The following SUPT3H variants were observed in gnomAD, a reference collection of about 807,000 sequenced individuals.
SUPT3H encodes the protein transcription initiation protein SPT3 homolog.
SUPT3H carries 44 observed loss-of-function variants against 44.3 expected under a neutral mutation model. That is an observed-to-expected ratio of 0.99 (90% CI 0.78 to 1.28). The LOEUF (loss-of-function observed/expected upper bound fraction) is 1.28. Among genes scored for constraint, SUPT3H ranks in the 50% most tolerant of loss-of-function variants. The probability of loss-of-function intolerance (pLI) is 0.00; values close to 1 mark genes in which losing one functional copy is unlikely to be tolerated. For synonymous variants in SUPT3H, 124 were observed against 125.6 expected (o/e 0.99, Z 0.09); for missense variants, 380 against 387.1 (o/e 0.98, Z 0.15).
chr6:44,940,024 A>ATT (rs369836316), intron 9 of SUPT3H, among the ~76,000 whole-genome samples: 4 of 148,302 alleles, frequency 2.7e-5, no homozygotes, highest in African/African-American at 9.9e-5. Context: ...GATCTTTTGT[A>ATT]TTTTTTTTTG....
chr6:44,887,342 C>T (rs766730042), intron 10 of SUPT3H, among the ~76,000 whole-genome samples: 75 of 152,186 alleles, frequency 4.9e-4, no homozygotes, highest in East Asian at 7.7e-4. Flanking sequence ...ACCACACCTA[C>T]TCCAAAATTG....
intron 2 of SUPT3H, among the ~76,000 whole-genome samples, chr6:45,111,530 TC>T (rs1156242699): frequency 2.0e-5 from 1 of 48,980 alleles, no homozygotes. Context: ...CCCCCCTCCC[TC>T]CCCCCCGCAA....
chr6:44,944,713 G>GATC (rs1773019564), intron 9 of SUPT3H, among the ~76,000 whole-genome samples: 2 of 125,116 alleles, frequency 1.6e-5, no homozygotes, highest in Admixed American at 2.1e-4. Context: ...AGTGAGCTAT[G>GATC]ATCATGCTAC....
intron 2 of SUPT3H, among the ~76,000 whole-genome samples, chr6:45,213,110 A>G (rs1002776641): frequency 6.6e-6 from 1 of 152,210 alleles, no homozygotes; most frequent in African/African-American, 2.4e-5. Context: ...TTGCCACACA[A>G]TTCAATTAGC....
chr6:45,255,592 T>G (rs953019605), intron 2 of SUPT3H, among the ~76,000 whole-genome samples: 6 of 151,924 alleles, frequency 3.9e-5, no homozygotes, highest in Non-Finnish European at 5.9e-5. Context: ...CAGCAATGTT[T>G]TTTTAATTTT....
chr6:45,184,337 T>G (rs554863975), intron 2 of SUPT3H, among the ~76,000 whole-genome samples: 15 of 152,156 alleles, frequency 9.9e-5, no homozygotes, highest in Non-Finnish European at 2.2e-4. Context: ...ACTCCTTTTT[T>G]TATAGGAAAA....
At chr6:44,889,120 T>C (rs1410028928) in intron 10 of SUPT3H, among the ~76,000 whole-genome samples, 2 of 151,478 alleles carry the variant, frequency 1.3e-5, no homozygotes, top group East Asian at 1.9e-4. Flanking sequence ...TAAAAGAGGA[T>C]ACAAACAAAT....
At chr6:44,949,174 G>A (rs989242526) in intron 9 of SUPT3H, among the ~76,000 whole-genome samples, 1 of 152,082 alleles carries the variant, frequency 6.6e-6, no homozygotes, top group African/African-American at 2.4e-5. Context: ...CTCACTCATA[G>A]GTGGGATTTG....
At chr6:45,002,247 C>T (rs1354208402) in intron 6 of SUPT3H, among the ~76,000 whole-genome samples, 3 of 151,846 alleles carry the variant, frequency 2.0e-5, no homozygotes, top group Non-Finnish European at 4.4e-5. Context: ...ACTTTAGTAC[C>T]CTGCTGACCC....
intron 2 of SUPT3H, among the ~76,000 whole-genome samples, chr6:45,195,054 ATAAT>A (rs1378186596): frequency 6.8e-6 from 1 of 147,382 alleles, no homozygotes; most frequent in African/African-American, 2.5e-5. Context: ...TATTTCTTGT[ATAAT>A]TAAATTTTTA....
chr6:45,280,337 A>C, intron 2 of SUPT3H, among the ~76,000 whole-genome samples: 1 of 152,066 alleles, frequency 6.6e-6, no homozygotes, highest in Non-Finnish European at 1.5e-5. Context: ...CCCTGTCTCT[A>C]CTAAAAATAC....
At chr6:44,864,242 T>C (rs1200607438) in intron 10 of SUPT3H, among the ~76,000 whole-genome samples, 1 of 152,172 alleles carries the variant, frequency 6.6e-6, no homozygotes. Context: ...CTAGATATAA[T>C]GAAGGTACAG....
intron 2 of SUPT3H, among the ~76,000 whole-genome samples, chr6:45,247,671 T>G (rs1369047381): frequency 4.0e-5 from 6 of 149,922 alleles, no homozygotes; most frequent in Admixed American, 3.4e-4. Context: ...GCCTCCAGAC[T>G]CTACTGGATT....
chr6:45,171,661 G>A (rs114666782), intron 2 of SUPT3H, among the ~76,000 whole-genome samples: 13 of 148,340 alleles, frequency 8.8e-5, no homozygotes, highest in Non-Finnish European at 1.0e-4. Context: ...AAATGCAGAC[G>A]ACTATTTGAA....
At chr6:45,148,203 C>T (rs1459746734) in intron 2 of SUPT3H, among the ~76,000 whole-genome samples, 1 of 151,998 alleles carries the variant, frequency 6.6e-6, no homozygotes, top group Non-Finnish European at 1.5e-5. Flanking sequence ...TAGAAAATTC[C>T]TTCCTTTTTA....
chr6:45,004,462 C>T (rs1168338252), intron 5 of SUPT3H, among the ~76,000 whole-genome samples: 1 of 151,816 alleles, frequency 6.6e-6, no homozygotes, highest in Non-Finnish European at 1.5e-5. Context: ...CAACTATATA[C>T]ATATAAGAAT....
chr6:45,283,258 G>A (rs1006725805), intron 2 of SUPT3H, among the ~76,000 whole-genome samples: 1 of 152,060 alleles, frequency 6.6e-6, no homozygotes, highest in South Asian at 2.1e-4. Flanking sequence ...ATGTAAATGG[G>A]CTAAAGGCTC....
rs1032259842 is a variant in SUPT3H, at chr6:45,106,076, T to C, written c.102-70A>G. 3 of 1,222,596 alleles carry C rather than the reference T, an allele frequency of 2.5e-6. No individual in the cohort carries two copies. The African/African-American group carries it at 4.5e-5, about 18-fold the overall frequency. The allele number at this position is 1,222,596 out of a possible 1,614,324, so 75.7% of individuals were successfully genotyped here. ...TAAGAAAGGCAAAAAGTGAAACATT[T>C]ATTACATGAATCAGTTTAGTAAGGA... On this transcript the variant is annotated intron_variant, in intron 2 of 10. Coordinates refer to ENST00000371459, the MANE Select transcript of SUPT3H (RefSeq NM_003599.4).
intron 2 of SUPT3H, among the ~76,000 whole-genome samples, chr6:45,285,410 T>C (rs1483580020): frequency 6.6e-6 from 1 of 152,154 alleles, no homozygotes; most frequent in Non-Finnish European, 1.5e-5. Flanking sequence ...GGATACAAAA[T>C]CAATGTGCAA....
Sources: allele counts gnomAD v4.1 joint callset (sites outside exome capture counted in the v4.1 genomes callset), GRCh38; gene constraint gnomAD v4.1.1; transcripts MANE v1.5; gene names NCBI Gene and HGNC (gene_info 2026-07-23, HGNC 2026-07-21).